Variants in PAX7 observed in about 807,000 individuals in gnomAD.
PAX7 encodes paired box protein Pax-7.
In PAX7, 18 loss-of-function variants were observed where a neutral mutation model predicts 50.7. The observed-to-expected ratio is 0.36, with a 90% CI of 0.25 to 0.53. The LOEUF is 0.53. PAX7 is among the 20% of genes least tolerant of loss of function. The pLI, the probability that PAX7 is intolerant of heterozygous loss-of-function variation, is 0.93. For missense variants in PAX7, 644 were observed against 702.9 expected, an observed-to-expected ratio of 0.92 and a Z score of 0.95; for synonymous variants, 310 against 290.4, an observed-to-expected ratio of 1.07 and a Z score of -0.69.
At chr1:18,712,665 G>A (rs1160759815) in intron 7 of PAX7, among the ~76,000 whole-genome samples, 1 of 152,194 alleles carries the variant, frequency 6.6e-6, no homozygotes, top group East Asian at 1.9e-4. Context: ...TGAAGGAGAA[G>A]TGGGAGAGCA....
At chr1:18,643,826 G>A (rs1459008044) in intron 4 of PAX7, among the ~76,000 whole-genome samples, 1 of 152,214 alleles carries the variant, frequency 6.6e-6, no homozygotes, top group Non-Finnish European at 1.5e-5. Context: ...GAGCTGGGCC[G>A]GCAGGGCGGG....
intron 7 of PAX7, among the ~76,000 whole-genome samples, chr1:18,713,679 G>A (rs564348369): frequency 6.6e-6 from 1 of 152,294 alleles, no homozygotes; most frequent in East Asian, 1.9e-4. Context: ...ACAATTTAGT[G>A]TGATTTCTAG....
intron 8 of PAX7, among the ~76,000 whole-genome samples, chr1:18,739,838 G>C (rs1448858872): frequency 6.6e-6 from 1 of 152,198 alleles, no homozygotes; most frequent in African/African-American, 2.4e-5. Context: ...CCCAGGGATG[G>C]GGCACATGGC....
chr1:18,722,859 G>T lies in PAX7; in HGVS notation c.1156-12773G>T, dbSNP rs571273706. The stretch of plus-strand genomic sequence containing the variant: ...ATTTTGAGTTGTGTCACCTCCTTGG[G>T]TTGCAGCTTTTTCCTCTCCATCTTC... On this transcript the variant is annotated intron_variant, in intron 7 of 8. Transcript: ENST00000420770. Among the ~76,000 whole-genome samples the T allele has an allele frequency of 1.1e-4, 16 of 152,240 alleles. No homozygotes were observed. The South Asian group carries it at 3.3e-3, about 32-fold the overall frequency.
At chr1:18,642,922 A>T (rs923523979) in intron 4 of PAX7, among the ~76,000 whole-genome samples, 14 of 71,464 alleles carry the variant, frequency 2.0e-4, no homozygotes, top group Admixed American at 5.3e-4. Flanking sequence ...TGGGAAGGGG[A>T]GGGGCCTGGA....
intron 7 of PAX7, among the ~76,000 whole-genome samples, chr1:18,708,488 G>C (rs2089311282): frequency 6.6e-6 from 1 of 152,122 alleles, no homozygotes; most frequent in African/African-American, 2.4e-5. Flanking sequence ...CTGGGAGGTT[G>C]AGGCTGCAGT....
chr1:18,666,481 C>G (rs1243366296), intron 4 of PAX7, among the ~76,000 whole-genome samples: 1 of 152,220 alleles, frequency 6.6e-6, no homozygotes, highest in Non-Finnish European at 1.5e-5. Context: ...ATGAACATAC[C>G]TGCAAATGCC....
intron 7 of PAX7, among the ~76,000 whole-genome samples, chr1:18,713,817 C>G (rs964051210): frequency 6.6e-6 from 1 of 152,060 alleles, no homozygotes; most frequent in African/African-American, 2.4e-5. Flanking sequence ...AGGTTGGTGC[C>G]GACCAGACAG....
Position 18,735,543 on chromosome 1 carries a change from T to C in PAX7, c.1156-89T>C. 1 of 1,536,050 alleles carries C rather than the reference T, an allele frequency of 6.5e-7. No homozygotes were observed. Among genetic ancestry groups the C allele is most frequent in the Admixed American group, 1.9e-5 (1 of 51,670 alleles). On this transcript the variant is annotated intron_variant, in intron 7 of 8. Transcript: ENST00000420770. This position sits in a 1 kb window ranked among gnomAD's most constrained non-coding sequence, Gnocchi z 4.0. ...AAGGGAACAACTCTGGCAAAGAGTG[T>C]TCCAGGGCCAGCCTGGCATTGTGCC...
chr1:18,654,482 A>C (rs928141121), intron 4 of PAX7, among the ~76,000 whole-genome samples: 1 of 152,166 alleles, frequency 6.6e-6, no homozygotes, highest in Non-Finnish European at 1.5e-5. Context: ...AGTAAAACAA[A>C]TCTGGTGCTC....
intron 4 of PAX7, among the ~76,000 whole-genome samples, chr1:18,669,926 A>C (rs1169153242): frequency 1.3e-5 from 2 of 152,118 alleles, no homozygotes; most frequent in East Asian, 1.9e-4. Flanking sequence ...TCTACTAAAA[A>C]TACAAAAATT....
intron 4 of PAX7, among the ~76,000 whole-genome samples, chr1:18,679,355 G>T (rs2088865920): frequency 6.6e-6 from 1 of 152,232 alleles, no homozygotes; most frequent in African/African-American, 2.4e-5. Flanking sequence ...GGCGTGGGGA[G>T]GGGGAGAAGG....
chr1:18,695,534 C>T (rs1447197463), intron 5 of PAX7, among the ~76,000 whole-genome samples: 6 of 152,230 alleles, frequency 3.9e-5, no homozygotes, highest in African/African-American at 1.2e-4. Context: ...CAAGCTCTGC[C>T]TTCCTGCAGG....
At chr1:18,633,585 C>T (rs2088093986) in intron 1 of PAX7, among the ~76,000 whole-genome samples, 1 of 152,142 alleles carries the variant, frequency 6.6e-6, no homozygotes, top group Admixed American at 6.5e-5. Flanking sequence ...CTAAAATTGT[C>T]CCAAAACGAA....
Position 18,634,001 on chromosome 1 carries a change from T to C in PAX7, c.86-302T>C, listed in dbSNP as rs2088103028. 6.6e-6 allele frequency among the ~76,000 whole-genome samples: 1 copy of C among 152,192 alleles called. No homozygotes were observed. The highest frequency in any genetic ancestry group is 1.5e-5 in the Non-Finnish European group (1 of 68,030). The stretch of plus-strand genomic sequence containing the variant: ...TCTCTCCCTCCCCTTCTTAGCAGCA[T>C]TCGAATCCCCCAGGTGTGTCCTCAT... On this transcript the variant is annotated intron_variant, in intron 1 of 8. Coordinates refer to ENST00000420770, the MANE Select transcript of PAX7 (RefSeq NM_001135254.2). The surrounding 1 kb of genome is among the most constrained non-coding windows in gnomAD (Gnocchi z 4.0).
In PAX7 at chr1:18,657,604, A is replaced by G. The variant is rs1412107631; in HGVS notation, c.586+21233A>G. Reference sequence around the variant, plus strand: ...CCTCTGCCTCCTCCAGGCTGCCAGCAGGACCCAGCTCCGCTAGGCCCAGGG... The same window carrying G: ...CCTCTGCCTCCTCCAGGCTGCCAGCGGGACCCAGCTCCGCTAGGCCCAGGG... On this transcript the variant is annotated intron_variant, in intron 4 of 8. Coordinates refer to ENST00000420770, the MANE Select transcript of PAX7 (RefSeq NM_001135254.2). Among the ~76,000 whole-genome samples the G allele has an allele frequency of 2.0e-5, 3 of 152,196 alleles. No individual in the cohort carries two copies. In the East Asian group the frequency reaches 5.8e-4, roughly 29 times the overall value.
chr1:18,663,600 T>C (rs1425044658), intron 4 of PAX7, among the ~76,000 whole-genome samples: 1 of 152,212 alleles, frequency 6.6e-6, no homozygotes, highest in Non-Finnish European at 1.5e-5. Context: ...CCAGCTGGTC[T>C]GAAACTCCTG....
chr1:18,688,044 C>T (rs2089001992), intron 4 of PAX7, among the ~76,000 whole-genome samples: 1 of 152,218 alleles, frequency 6.6e-6, no homozygotes, highest in South Asian at 2.1e-4. Flanking sequence ...TGAATTTTAT[C>T]TCTCAGTGGC....
At chr1:18,711,514 C>A (rs1270882373) in intron 7 of PAX7, among the ~76,000 whole-genome samples, 2 of 152,060 alleles carry the variant, frequency 1.3e-5, no homozygotes, top group African/African-American at 4.8e-5. Context: ...CTATCCAGGG[C>A]AATGTAAGGG....
Sources: allele counts gnomAD v4.1 joint callset (sites outside exome capture counted in the v4.1 genomes callset), GRCh38; gene constraint gnomAD v4.1.1; non-coding constraint Gnocchi (gnomAD v3.1); transcripts MANE v1.5; gene names NCBI Gene and HGNC (gene_info 2026-07-23, HGNC 2026-07-21).